IQCK: variants seen among roughly 807,000 people sequenced by gnomAD.
IQCK encodes IQ motif containing K.
A neutral mutation model predicts 28.1 loss-of-function variants in IQCK; 29 were observed. That is an observed-to-expected ratio of 1.03 (90% CI 0.77 to 1.41). The LOEUF is 1.41. IQCK is among the 40% of genes most tolerant of loss of function. IQCK has a pLI of 0.00. For synonymous variants in IQCK, 113 were observed against 115.1 expected, an observed-to-expected ratio of 0.98 and a Z score of 0.12; for missense variants, 359 against 314.7, an observed-to-expected ratio of 1.14 and a Z score of -1.07.
chr16:19,773,142 C>T (rs1471947811), intron 6 of IQCK, among the ~76,000 whole-genome samples: 2 of 152,088 alleles, frequency 1.3e-5, no homozygotes, highest in African/African-American at 2.4e-5. Context: ...GGGGCCATTC[C>T]CTACTGGAGG....
At chr16:19,806,851 T>A (rs2055840929) in intron 7 of IQCK, among the ~76,000 whole-genome samples, 2 of 152,106 alleles carry the variant, frequency 1.3e-5, no homozygotes, top group African/African-American at 2.4e-5. Flanking sequence ...TTCTGACTGA[T>A]AAGAAATGAT....
At chr16:19,832,105 CA>C (rs1178108521), downstream of IQCK, among the ~76,000 whole-genome samples, 4 of 151,266 alleles carry the variant, frequency 2.6e-5, no homozygotes, top group Non-Finnish European at 5.9e-5. Context: ...CTCACATAGT[CA>C]GTAATTGTTT....
At chr16:19,731,963 C>T (rs547094886) in intron 2 of IQCK, among the ~76,000 whole-genome samples, 1 of 152,302 alleles carries the variant, frequency 6.6e-6, no homozygotes, top group South Asian at 2.1e-4. Flanking sequence ...CCTCTGAGAG[C>T]CCCAGGGACC....
downstream of IQCK, among the ~76,000 whole-genome samples, chr16:19,831,422 GA>G (rs1211126461): frequency 6.6e-6 from 1 of 152,164 alleles, no homozygotes; most frequent in Non-Finnish European, 1.5e-5. Context: ...TCGCCGAGTT[GA>G]ATCACTTTGT....
chr16:19,818,604 G>A (rs1161597340), intron 7 of IQCK, among the ~76,000 whole-genome samples: 1 of 152,072 alleles, frequency 6.6e-6, no homozygotes, highest in Non-Finnish European at 1.5e-5. Context: ...TGTTGGACAG[G>A]GTAGTCTCGA....
chr16:19,799,529 C>T (rs1238651570), intron 7 of IQCK, among the ~76,000 whole-genome samples: 2 of 112,038 alleles, frequency 1.8e-5, no homozygotes, highest in Non-Finnish European at 3.3e-5. Context: ...CCTTGGCCTC[C>T]CAAAGTGCTG....
exon 10 of IQCK, chr16:19,856,577 C>A: frequency 4.4e-6 from 7 of 1,590,544 alleles, no homozygotes; most frequent in Non-Finnish European, 6.0e-6. Flanking sequence ...TTTGCCCATT[C>A]GAGCACAAGT....
intron 6 of IQCK, among the ~76,000 whole-genome samples, chr16:19,766,878 T>TG (rs1206903755): frequency 6.6e-6 from 1 of 152,202 alleles, no homozygotes; most frequent in Non-Finnish European, 1.5e-5. Context: ...GAGACTAGCC[T>TG]GGCCAATGCA....
intron 1 of IQCK, among the ~76,000 whole-genome samples, chr16:19,722,307 T>C (rs1367562160): frequency 6.6e-6 from 1 of 152,214 alleles, no homozygotes; most frequent in Non-Finnish European, 1.5e-5. Context: ...CTCACCCCGC[T>C]ACTCGCCACT....
At chr16:19,810,576 G>A (rs2055891425) in intron 7 of IQCK, among the ~76,000 whole-genome samples, 1 of 151,938 alleles carries the variant, frequency 6.6e-6, no homozygotes, top group African/African-American at 2.4e-5. Flanking sequence ...ACTTTGGGAG[G>A]CCAAGGCGGG....
At chr16:19,855,874 G>A (rs1431900521) in intron 9 of IQCK, among the ~76,000 whole-genome samples, 3 of 152,106 alleles carry the variant, frequency 2.0e-5, no homozygotes, top group African/African-American at 4.8e-5. Flanking sequence ...TTTCCAAAAG[G>A]ATCCCTACTG....
intron 9 of IQCK, among the ~76,000 whole-genome samples, chr16:19,855,771 C>T (rs1426379953): frequency 5.3e-5 from 8 of 152,186 alleles, no homozygotes; most frequent in Admixed American, 5.2e-4. Context: ...TCATCAGAAC[C>T]TGTGGCCTGG....
chr16:19,765,547 AT>A (rs2055221797), intron 6 of IQCK, among the ~76,000 whole-genome samples: 3 of 151,762 alleles, frequency 2.0e-5, no homozygotes. Context: ...CAAAAAAAAA[AT>A]TTAGACTCTC....
chr16:19,730,518 C>T (rs572071521), intron 2 of IQCK, 24 bp downstream of exon 2: 45 of 1,545,236 alleles, frequency 2.9e-5, no homozygotes, highest in Admixed American at 2.1e-4. Flanking sequence ...AGGCCTCAAC[C>T]GAAGCAAGAA....
chr16:19,771,252 C>T (rs2055316452), intron 6 of IQCK, among the ~76,000 whole-genome samples: 1 of 152,104 alleles, frequency 6.6e-6, no homozygotes, highest in Non-Finnish European at 1.5e-5. Flanking sequence ...CCATCACGGC[C>T]AGCTAATTTT....
At chr16:19,745,284 G>A (rs1336767380) in intron 4 of IQCK, among the ~76,000 whole-genome samples, 1 of 151,924 alleles carries the variant, frequency 6.6e-6, no homozygotes, top group African/African-American at 2.4e-5. Context: ...TTTCTTTAAT[G>A]TGGCACTCTG....
intron 1 of IQCK, among the ~76,000 whole-genome samples, chr16:19,721,712 A>C (rs1424639247): frequency 6.6e-6 from 1 of 151,788 alleles, no homozygotes; most frequent in African/African-American, 2.4e-5. Flanking sequence ...CAGCCTCCCA[A>C]ATAGCTGGGA....
chr16:19,739,625 G>A (rs901840625), intron 4 of IQCK, among the ~76,000 whole-genome samples: 1 of 152,088 alleles, frequency 6.6e-6, no homozygotes, highest in African/African-American at 2.4e-5. Flanking sequence ...GACCACCCTG[G>A]GTAACATGCC....
At chr16:19,740,824 C>A (rs998173209) in intron 4 of IQCK, among the ~76,000 whole-genome samples, 3 of 151,780 alleles carry the variant, frequency 2.0e-5, no homozygotes, top group Non-Finnish European at 1.5e-5. Context: ...CAAAAATTAG[C>A]CGGGCGTGGT....
Sources: gnomAD v4.1 joint callset for allele counts (sites outside exome capture counted in the v4.1 genomes callset) on GRCh38, gnomAD v4.1.1 for gene constraint, MANE v1.5 for transcripts, NCBI Gene and HGNC (gene_info 2026-07-23, HGNC 2026-07-21) for gene names.